ASTN2: variants seen among roughly 807,000 people sequenced by gnomAD.
ASTN2 encodes the protein astrotactin 2.
A neutral mutation model predicts 139.8 loss-of-function variants in ASTN2; 54 were observed. The ratio of observed to expected loss-of-function variants is 0.39; its 90% CI spans 0.31 to 0.48. ASTN2 has a LOEUF of 0.48. Ranked by LOEUF, ASTN2 falls within the 20% of genes least tolerant of loss-of-function variation. ASTN2 has a pLI of 0.95. For synonymous variants in ASTN2, 756 were observed against 719.5 expected (o/e 1.05, Z -0.81); for missense variants, 1,565 against 1,725.1 (o/e 0.91, Z 1.64).
At chr9:117,319,177 TG>T (rs959962902) in intron 1 of ASTN2, among the ~76,000 whole-genome samples, 2 of 152,290 alleles carry the variant, frequency 1.3e-5, no homozygotes, top group African/African-American at 4.8e-5. Flanking sequence ...GGCCCCATAA[TG>T]GGTTGTTTTA....
At chr9:116,656,435 A>G (rs1269222520) in intron 16 of ASTN2, among the ~76,000 whole-genome samples, 1 of 152,206 alleles carries the variant, frequency 6.6e-6, no homozygotes, top group Non-Finnish European at 1.5e-5. Flanking sequence ...CTTGCCATTA[A>G]GTGAATGGGA....
intron 11 of ASTN2, among the ~76,000 whole-genome samples, chr9:116,856,066 T>C (rs1323867976): frequency 6.6e-6 from 1 of 152,210 alleles, no homozygotes; most frequent in African/African-American, 2.4e-5. Context: ...GGGGGCGATA[T>C]GTCATCCTGT....
intron 20 of ASTN2, among the ~76,000 whole-genome samples, chr9:116,473,943 C>G (rs547783268): frequency 6.6e-6 from 1 of 151,884 alleles, no homozygotes; most frequent in Admixed American, 6.6e-5. Context: ...CTTATATGTA[C>G]TTGGTATGTG....
chr9:117,054,049 G>A (rs886277251), intron 5 of ASTN2, among the ~76,000 whole-genome samples: 6 of 150,926 alleles, frequency 4.0e-5, no homozygotes, highest in Admixed American at 6.6e-5. Context: ...AAAAACAAAA[G>A]AGGAGAAAAT....
At chr9:117,089,204 G>T (rs1043171811) in intron 5 of ASTN2, among the ~76,000 whole-genome samples, 1 of 152,188 alleles carries the variant, frequency 6.6e-6, no homozygotes, top group Non-Finnish European at 1.5e-5. Context: ...ATGACAATAA[G>T]AAAGTTGAGG....
At chr9:116,888,280 A>G (rs78986648) in intron 10 of ASTN2, among the ~76,000 whole-genome samples, 1 of 152,038 alleles carries the variant, frequency 6.6e-6, no homozygotes, top group Non-Finnish European at 1.5e-5. Flanking sequence ...AAGAAAAAAA[A>G]CCAAAAATCA....
chr9:117,071,206 T>C (rs1430808092), intron 5 of ASTN2, among the ~76,000 whole-genome samples: 1 of 151,744 alleles, frequency 6.6e-6, no homozygotes, highest in Admixed American at 6.6e-5. Flanking sequence ...ATGTCCTTTC[T>C]GTTTGTTAGT....
chr9:116,547,841 C>A (rs1426623275), intron 19 of ASTN2, among the ~76,000 whole-genome samples: 1 of 152,072 alleles, frequency 6.6e-6, no homozygotes, highest in Non-Finnish European at 1.5e-5. Context: ...CCTGAGCTGC[C>A]CCCCAAGCTG....
chr9:117,229,830 T>A (rs1156279964), intron 2 of ASTN2, among the ~76,000 whole-genome samples: 1 of 152,076 alleles, frequency 6.6e-6, no homozygotes, highest in Admixed American at 6.6e-5. Flanking sequence ...CTGGTGGTAT[T>A]GGGACCACTT....
chr9:116,634,547 G>A (rs1476682810), intron 17 of ASTN2, among the ~76,000 whole-genome samples: 1 of 137,020 alleles, frequency 7.3e-6, no homozygotes, highest in Admixed American at 8.1e-5. Context: ...CCGAGATCGC[G>A]CCACTGCACC....
At chr9:116,467,768 GT>G (rs1848694016) in intron 20 of ASTN2, among the ~76,000 whole-genome samples, 1 of 152,212 alleles carries the variant, frequency 6.6e-6, no homozygotes, top group Admixed American at 6.5e-5. Context: ...ACAAGATAAT[GT>G]TTTTAAATCA....
intron 2 of ASTN2, among the ~76,000 whole-genome samples, chr9:117,223,142 A>G (rs1223748686): frequency 1.3e-5 from 2 of 152,254 alleles, no homozygotes; most frequent in Non-Finnish European, 2.9e-5. Context: ...TACCTTGGAA[A>G]GATCATAGTG....
intron 17 of ASTN2, among the ~76,000 whole-genome samples, chr9:116,647,811 TTTTA>T (rs374097089): frequency 3.3e-5 from 5 of 152,148 alleles, no homozygotes; most frequent in African/African-American, 7.2e-5. Flanking sequence ...CACTAGGTAT[TTTTA>T]TTTATTTATG....
chr9:116,666,942 ATTTATTCTTTTTTT>A (rs1169497398), intron 16 of ASTN2, among the ~76,000 whole-genome samples: 150 of 126,230 alleles, frequency 1.2e-3, no homozygotes, highest in Non-Finnish European at 2.2e-3. Context: ...ATACTTATTT[ATTTATTCTTTTTTT>A]TTTTTTTTTT....
At chr9:116,600,344 A>AAAAGAAAG (rs1564144184) in intron 19 of ASTN2, among the ~76,000 whole-genome samples, 4 of 142,408 alleles carry the variant, frequency 2.8e-5, no homozygotes, top group African/African-American at 1.2e-4. Context: ...AAAAAAAAAA[A>AAAAGAAAG]AAAGAAAGAA....
chr9:117,266,734 G>C lies in ASTN2; in HGVS notation c.630+24592C>G, dbSNP rs1833946409. 2.0e-5 allele frequency among the ~76,000 whole-genome samples: 3 copies of C among 151,878 alleles called. No individual in the cohort carries two copies. The South Asian group carries it at 6.3e-4, about 32-fold the overall frequency. On this transcript the variant is annotated intron_variant, in intron 2 of 22. Coordinates refer to ENST00000313400, the MANE Select transcript of ASTN2 (RefSeq NM_001365068.1). ...TTTAAAAATCACTTTTCTCCACTAG[G>C]GTAATAAATCACTGAAGACAAGATC...
chr9:117,414,828 C>G lies in ASTN2; in HGVS notation c.111G>C (p.Leu37=), dbSNP rs1475668717. Residue 37 remains leucine, a synonymous_variant, in exon 1 of 23, where the codon CTG becomes CTC. Transcript: ENST00000313400. This position sits in a 1 kb window ranked among gnomAD's most constrained non-coding sequence, Gnocchi z 4.2. The part of the protein sequence containing the change: ...GPPPLLPLLL[L]FLLLLPPPPL... ...GCGGCGGCGGCAGCAGGAGCAGGAA[C>G]AGCAGCAGCAGCGGCAGCAGTGGCG... is the stretch of plus-strand genomic sequence containing the variant. 8.5e-7 allele frequency: 1 copy of G among 1,170,782 alleles called. No individual in the cohort carries two copies. Among genetic ancestry groups the G allele is most frequent in the East Asian group, 4.1e-5 (1 of 24,618 alleles). The allele number at this position is 1,170,782 out of a possible 1,614,324, so 72.5% of individuals were successfully genotyped here. A position where few individuals can be genotyped will look rare whatever the true frequency, so the allele number is the denominator to read the frequency against.
intron 16 of ASTN2, among the ~76,000 whole-genome samples, chr9:116,674,391 G>T (rs2131997681): frequency 6.6e-6 from 1 of 152,334 alleles, no homozygotes; most frequent in East Asian, 1.9e-4. Context: ...GGCCCTGCCG[G>T]CATTTATTCA....
intron 1 of ASTN2, among the ~76,000 whole-genome samples, chr9:117,314,392 A>G (rs188098605): frequency 6.6e-6 from 1 of 152,062 alleles, no homozygotes; most frequent in African/African-American, 2.4e-5. Flanking sequence ...TCCGAAAGCA[A>G]GTTCACTTCT....
Sources: gnomAD v4.1 joint callset for allele counts (sites outside exome capture counted in the v4.1 genomes callset) on GRCh38, gnomAD v4.1.1 for gene constraint, Gnocchi (gnomAD v3.1) non-coding constraint, MANE v1.5 for transcripts, NCBI Gene and HGNC (gene_info 2026-07-23, HGNC 2026-07-21) for gene names.